Variants in STARD6 observed in about 807,000 individuals in gnomAD.
STARD6 encodes StAR related lipid transfer domain containing 6.
Under a neutral mutation model 22.3 loss-of-function variants are expected in STARD6, and 21 were observed. That is an observed-to-expected ratio of 0.94 (90% CI 0.67 to 1.35). The LOEUF is 1.35. Ranked by LOEUF, STARD6 falls within the 40% of genes most tolerant of loss-of-function variation. STARD6 has a pLI of 0.00. For synonymous variants in STARD6, 80 were observed against 88.1 expected (o/e 0.91, Z 0.52); for missense variants, 269 against 266.9 (o/e 1.01, Z -0.05).
intron 4 of STARD6, among the ~76,000 whole-genome samples, chr18:54,353,102 GA>G (rs1312720328): frequency 1.2e-4 from 18 of 152,074 alleles, no homozygotes; most frequent in African/African-American, 4.1e-4. Context: ...AAATTGGGCT[GA>G]AATATAATAT....
chr18:54,338,989 A>G (rs546033429), intron 4 of STARD6, among the ~76,000 whole-genome samples: 1 of 126,654 alleles, frequency 7.9e-6, no homozygotes, highest in East Asian at 2.7e-4. Context: ...CGGAGGTTGC[A>G]GTGAGCCGAG....
intron 6 of STARD6, 67 bp from the exon 7 acceptor site, chr18:54,329,507 A>G (rs916301316): frequency 1.6e-5 from 20 of 1,277,938 alleles, no homozygotes; most frequent in Middle Eastern, 4.6e-4. Context: ...CCAGCAGCAT[A>G]TTTTTAGAAA....
chr18:54,336,656 A>T (rs1657884), intron 5 of STARD6, among the ~76,000 whole-genome samples: 7 of 152,024 alleles, frequency 4.6e-5, no homozygotes, highest in African/African-American at 1.4e-4. Flanking sequence ...ACGAGGTCTG[A>T]TGGTTTAAAA....
chr18:54,340,478 T>C (rs1029405438), intron 4 of STARD6, among the ~76,000 whole-genome samples: 4 of 152,016 alleles, frequency 2.6e-5, no homozygotes, highest in African/African-American at 9.7e-5. Context: ...CAAAAGAAGA[T>C]AGTAAAAGAA....
chr18:54,329,482 G>A (rs1235808762), intron 6 of STARD6, 42 bp from the exon 7 acceptor site: 3 of 1,448,420 alleles, frequency 2.1e-6, no homozygotes, highest in South Asian at 1.2e-5. Context: ...TATTCACAAA[G>A]AGGAAAAACT....
At position 54,337,057 on chromosome 18, in the gene STARD6, C is replaced by A. The variant is rs904021524; in HGVS notation, c.267+68G>T. ...TGTGTCTACATAACATAGTTTTAAT[C>A]AACTCACTAAGGTATAAACTAAAAA... On this transcript the variant is annotated intron_variant, in intron 5 of 7. Transcript: ENST00000307844. 6 of 1,362,580 alleles carry A rather than the reference C, an allele frequency of 4.4e-6. No homozygotes were observed. In the African/African-American group the frequency reaches 7.2e-5, roughly 16 times the overall value. 84.4% of individuals were successfully genotyped at this position (1,362,580 alleles called of 1,614,324 possible). A position where few individuals can be genotyped will look rare whatever the true frequency, so the allele number is the denominator to read the frequency against.
chr18:54,337,744 C>G (rs2088930608), intron 4 of STARD6, among the ~76,000 whole-genome samples: 1 of 152,220 alleles, frequency 6.6e-6, no homozygotes, highest in South Asian at 2.1e-4. Context: ...TTGCCAACCC[C>G]TGGCTTAGGG....
At chr18:54,333,739 A>G (rs2088885626) in intron 5 of STARD6, among the ~76,000 whole-genome samples, 1 of 152,214 alleles carries the variant, frequency 6.6e-6, no homozygotes, top group African/African-American at 2.4e-5. Context: ...AGATGAGTTT[A>G]ATAAAAGTAG....
At position 54,344,597 on chromosome 18, in the gene STARD6, A is replaced by AAAG. The variant is rs1555681374; in HGVS notation, c.141-7347_141-7346insCTT. 2.1e-4 allele frequency among the ~76,000 whole-genome samples: 27 copies of AAAG among 128,692 alleles called. 1 individual carries two copies. The highest frequency in any genetic ancestry group is 7.4e-4 in the African/African-American group (25 of 33,560). 84.4% of individuals were successfully genotyped at this position (128,692 alleles called of 152,430 possible). On this transcript the variant is annotated intron_variant, in intron 4 of 7. Transcript: ENST00000307844. ...AAAAAATAAATTAAAAAAAAAAAAA[A>AAAG]AAAAGAAAATAAAACTACACCCCAG...
chr18:54,326,335 T>A (rs1050736197), intron 7 of STARD6, among the ~76,000 whole-genome samples: 1 of 150,810 alleles, frequency 6.6e-6, no homozygotes, highest in Non-Finnish European at 1.5e-5. Context: ...TCTTTTTTTT[T>A]TTTTTTTTTC....
intron 4 of STARD6, among the ~76,000 whole-genome samples, chr18:54,353,340 T>A (rs1001061047): frequency 6.6e-6 from 1 of 152,188 alleles, no homozygotes; most frequent in African/African-American, 2.4e-5. Flanking sequence ...AAAAGTATAT[T>A]TAAAAGAAGC....
intron 4 of STARD6, among the ~76,000 whole-genome samples, chr18:54,343,271 C>A (rs2088994904): frequency 9.9e-6 from 1 of 101,268 alleles, no homozygotes; most frequent in Non-Finnish European, 2.1e-5. Context: ...CCGGCAGCTG[C>A]CCCGTCTGAG....
At chr18:54,350,108 A>G (rs2089081652) in intron 4 of STARD6, among the ~76,000 whole-genome samples, 1 of 152,190 alleles carries the variant, frequency 6.6e-6, no homozygotes, top group South Asian at 2.1e-4. Flanking sequence ...CCAACAGTGT[A>G]AAAGTGTTCC....
intron 4 of STARD6, among the ~76,000 whole-genome samples, chr18:54,338,489 T>G (rs2088937196): frequency 6.6e-6 from 1 of 152,056 alleles, no homozygotes; most frequent in Non-Finnish European, 1.5e-5. Context: ...GGCTACAGAC[T>G]CGGGGGAAAT....
chr18:54,329,186 G>T (rs1256261428), intron 7 of STARD6, among the ~76,000 whole-genome samples, 161 bp downstream of exon 7: 1 of 151,986 alleles, frequency 6.6e-6, no homozygotes, highest in African/African-American at 2.4e-5. Context: ...AAATGAAAAC[G>T]ATTATAAGAA....
chr18:54,327,961 G>A (rs1450518186), intron 7 of STARD6, among the ~76,000 whole-genome samples: 2 of 152,034 alleles, frequency 1.3e-5, no homozygotes, highest in South Asian at 2.1e-4. Flanking sequence ...ATTGTTCTGA[G>A]TAATGTGATG....
chr18:54,325,237 T>C (rs891589175), intron 7 of STARD6, among the ~76,000 whole-genome samples: 1 of 151,662 alleles, frequency 6.6e-6, no homozygotes, highest in Non-Finnish European at 1.5e-5. Flanking sequence ...TGACTATCTT[T>C]CTCTCTCTCT....
At position 54,354,515 on chromosome 18, in the gene STARD6, T is replaced by C; in HGVS notation, c.59A>G (p.Asp20Gly). ...TTTAACCACTTTCCAGCCTGATGTA[T>C]CTCGATTATAACCTAAAACTTCTTG... ...TAQEVLGYNR[D>G]TSGWKVVKTS... The change falls in exon 3 of 8, where the codon GAT (aspartate) becomes GGT (glycine). Residue 20 changes from aspartate to glycine, a missense_variant. Asp to Gly is a moderately conservative substitution (Grantham distance 94). Transcript: ENST00000307844. The C allele has an allele frequency of 2.5e-6, 4 of 1,613,672 alleles. No individual in the cohort carries two copies. Among genetic ancestry groups the C allele is most frequent in the Non-Finnish European group, 3.4e-6 (4 of 1,179,770 alleles).
intron 4 of STARD6, among the ~76,000 whole-genome samples, chr18:54,349,876 TAC>T (rs1363982735): frequency 6.6e-5 from 10 of 152,196 alleles, no homozygotes; most frequent in Admixed American, 2.0e-4. Flanking sequence ...AGTTTATATA[TAC>T]CACATTTTCT....
Sources: gnomAD v4.1 joint callset for allele counts (sites outside exome capture counted in the v4.1 genomes callset) on GRCh38, gnomAD v4.1.1 for gene constraint, MANE v1.5 for transcripts, NCBI Gene and HGNC (gene_info 2026-07-23, HGNC 2026-07-21) for gene names.